MYT1L: variants seen among roughly 807,000 people sequenced by gnomAD.
The protein encoded by MYT1L is myelin transcription factor 1 like, also known as myelin transcription factor 1-like protein.
MYT1L carries 12 observed loss-of-function variants against 126.7 expected under a neutral mutation model. That is an observed-to-expected ratio of 0.09 (90% confidence interval 0.06 to 0.15). The LOEUF (loss-of-function observed/expected upper bound fraction) is 0.15. Ranked by LOEUF, MYT1L falls within the 10% of genes least tolerant of loss-of-function variation. The pLI is 1.00. For synonymous variants in MYT1L, 541 were observed against 604.2 expected, an observed-to-expected ratio of 0.90 and a Z score of 1.53; for missense variants, 979 against 1,585.2, an observed-to-expected ratio of 0.62 and a Z score of 6.49.
intron 3 of MYT1L, among the ~76,000 whole-genome samples, chr2:2,093,343 G>C (rs1165808617): frequency 3.3e-5 from 5 of 150,966 alleles, no homozygotes; most frequent in Non-Finnish European, 5.9e-5. Context: ...TTACTCTTAG[G>C]CTGAAGAATT....
chr2:1,901,682 T>C (rs1441876440), intron 14 of MYT1L, among the ~76,000 whole-genome samples: 1 of 152,204 alleles, frequency 6.6e-6, no homozygotes, highest in Non-Finnish European at 1.5e-5. Flanking sequence ...AGTTTAAATA[T>C]TGTGTGTGTA....
At chr2:2,321,539 G>C (rs992828188) in intron 1 of MYT1L, among the ~76,000 whole-genome samples, 1 of 152,078 alleles carries the variant, frequency 6.6e-6, no homozygotes, top group Non-Finnish European at 1.5e-5. Flanking sequence ...GGGTTCAGTG[G>C]TGTGGTAGCC....
chr2:1,981,699 G>A (rs145086519), intron 5 of MYT1L, among the ~76,000 whole-genome samples: 1 of 152,152 alleles, frequency 6.6e-6, no homozygotes. Flanking sequence ...TGGGGAGGAC[G>A]AGTCGCAAAC....
intron 21 of MYT1L, among the ~76,000 whole-genome samples, chr2:1,822,596 CTG>C (rs2038707452): frequency 6.6e-6 from 1 of 152,238 alleles, no homozygotes; most frequent in Non-Finnish European, 1.5e-5. Context: ...GGCCTACAGC[CTG>C]TGTCCTTCGA....
At chr2:1,968,376 T>G (rs990948671) in intron 8 of MYT1L, among the ~76,000 whole-genome samples, 1 of 152,204 alleles carries the variant, frequency 6.6e-6, no homozygotes, top group Non-Finnish European at 1.5e-5. Flanking sequence ...AATTGCTATG[T>G]ATTATTTATG....
chr2:1,934,291 C>CACACATATATATATATATATATAT lies in MYT1L; in HGVS notation c.505+8690_505+8691insATATATATATATATATATATGTGT, dbSNP rs1553335117. ...CCCCGCCTGATTTTGATTTTTATAA[C>CACACATATATATATATATATATAT]ATATATATATATATATACAACCTCA... is the stretch of plus-strand genomic sequence containing the variant. On this transcript the variant is annotated intron_variant, in intron 9 of 24. Coordinates refer to ENST00000647738, the MANE Select transcript of MYT1L (RefSeq NM_001303052.2). 7.3e-5 allele frequency among the ~76,000 whole-genome samples: 9 copies of CACACATATATATATATATATATAT among 123,556 alleles called. No individual in the cohort carries two copies. In the South Asian group the frequency reaches 2.4e-3, roughly 32 times the overall value. The allele number at this position is 123,556 out of a possible 152,430, so 81.1% of individuals were successfully genotyped here.
intron 3 of MYT1L, among the ~76,000 whole-genome samples, chr2:2,122,297 G>A (rs139495774): frequency 3.2e-4 from 49 of 152,272 alleles, no homozygotes; most frequent in Non-Finnish European, 4.3e-4. Context: ...TCTGTCATGG[G>A]AACACTGCAG....
intron 2 of MYT1L, among the ~76,000 whole-genome samples, chr2:2,219,314 G>T (rs144255203): frequency 1.7e-4 from 26 of 152,272 alleles, no homozygotes; most frequent in African/African-American, 6.0e-4. Context: ...GACTGAGAGG[G>T]TTTAGAATTG....
chr2:2,263,529 A>T (rs2095044000), intron 2 of MYT1L, among the ~76,000 whole-genome samples: 1 of 152,188 alleles, frequency 6.6e-6, no homozygotes, highest in African/African-American at 2.4e-5. Context: ...CAAGCAAGAC[A>T]AGGGACTAAC....
Position 2,301,824 on chromosome 2 carries a change from C to CA in MYT1L, c.-520-17322_-520-17321insT, listed in dbSNP as rs1559606134. ...CCTGAGCAACAGAGACCCTGTCTGT[C>CA]TAAAAAAAAAAAAAAAAAAAAGAAG... On this transcript the variant is annotated intron_variant, in intron 1 of 24. Transcript: ENST00000647738. Among the ~76,000 whole-genome samples, 554 of 113,346 alleles carry CA rather than the reference C, an allele frequency of 4.9e-3. 3 individuals are homozygous for CA. The highest frequency in any genetic ancestry group is 0.018 in the African/African-American group (523 of 29,752). 74.4% of individuals were successfully genotyped at this position (113,346 alleles called of 152,430 possible). A position where few individuals can be genotyped will look rare whatever the true frequency, so the allele number is the denominator to read the frequency against.
chr2:1,833,085 C>T (rs1002815552), intron 21 of MYT1L, among the ~76,000 whole-genome samples: 2 of 152,160 alleles, frequency 1.3e-5, no homozygotes, highest in African/African-American at 4.8e-5. Flanking sequence ...GAGCTCTCCT[C>T]GGGCACAGAC....
intron 1 of MYT1L, among the ~76,000 whole-genome samples, chr2:2,306,762 T>C (rs1356635775): frequency 6.6e-6 from 1 of 152,166 alleles, no homozygotes; most frequent in Non-Finnish European, 1.5e-5. Context: ...CTATTCTCTC[T>C]TCACACCAAC....
intron 2 of MYT1L, among the ~76,000 whole-genome samples, chr2:2,282,483 A>G (rs1373652242): frequency 6.6e-6 from 1 of 152,212 alleles, no homozygotes; most frequent in Non-Finnish European, 1.5e-5. Flanking sequence ...AGCAGAGAAC[A>G]TGCAGTGATA....
intron 4 of MYT1L, among the ~76,000 whole-genome samples, chr2:2,021,533 A>T (rs2065028326): frequency 6.6e-6 from 1 of 152,208 alleles, no homozygotes; most frequent in Non-Finnish European, 1.5e-5. Context: ...ATTTTCACTT[A>T]TCTGGGGCCC....
chr2:1,985,371 T>C (rs1217819112), intron 5 of MYT1L, among the ~76,000 whole-genome samples: 2 of 152,196 alleles, frequency 1.3e-5, no homozygotes, highest in African/African-American at 4.8e-5. Context: ...CAGGTGTGCA[T>C]GTCTAGCCAT....
intron 3 of MYT1L, among the ~76,000 whole-genome samples, chr2:2,100,093 A>C (rs1319705965): frequency 6.6e-6 from 1 of 152,190 alleles, no homozygotes; most frequent in African/African-American, 2.4e-5. Flanking sequence ...GGTATATTAA[A>C]CTTAAGTCAA....
intron 2 of MYT1L, among the ~76,000 whole-genome samples, chr2:2,254,060 G>A (rs1328104957): frequency 2.0e-5 from 3 of 152,186 alleles, no homozygotes; most frequent in Non-Finnish European, 4.4e-5. Flanking sequence ...AAGTGTGAAA[G>A]GAATGTTGTG....
At chr2:2,005,500 A>ATTCTTTCCCGCATGTG (rs2063182192) in intron 4 of MYT1L, among the ~76,000 whole-genome samples, 1 of 133,666 alleles carries the variant, frequency 7.5e-6, no homozygotes, top group East Asian at 2.5e-4. Context: ...TCCTGCAGGC[A>ATTCTTTCCCGCATGTG]TTCTTTCCTG....
At chr2:1,862,884 A>T (rs571752861) in intron 18 of MYT1L, among the ~76,000 whole-genome samples, 4 of 152,044 alleles carry the variant, frequency 2.6e-5, no homozygotes, top group Non-Finnish European at 5.9e-5. Context: ...GTGAGTAGGG[A>T]AGATGGGAGA....
Sources: gnomAD v4.1 joint callset for allele counts (sites outside exome capture counted in the v4.1 genomes callset) on GRCh38, gnomAD v4.1.1 for gene constraint, MANE v1.5 for transcripts, NCBI Gene and HGNC (gene_info 2026-07-23, HGNC 2026-07-21) for gene names.